The following DGKB variants were observed in gnomAD, a reference collection of about 807,000 sequenced individuals.
The protein encoded by DGKB is diacylglycerol kinase beta, also known as 90 kDa diacylglycerol kinase.
DGKB carries 67 observed loss-of-function variants against 114.3 expected under a neutral mutation model. That is an observed-to-expected ratio of 0.59 (90% CI 0.48 to 0.72). DGKB has a LOEUF of 0.72. Ranked by LOEUF, DGKB falls within the 30% of genes least tolerant of loss-of-function variation. The pLI, the probability that DGKB is intolerant of heterozygous loss-of-function variation, is 0.00. For missense variants in DGKB, 907 were observed against 975.2 expected (o/e 0.93, Z 0.93); for synonymous variants, 398 against 323.1 (o/e 1.23, Z -2.49).
rs73265860 is a variant in DGKB, at chr7:14,394,714, T to C, written c.1836-49323A>G. 9.5e-3 allele frequency among the ~76,000 whole-genome samples: 1,441 copies of C among 152,174 alleles called. 25 individuals are homozygous for C. Among genetic ancestry groups the C allele is most frequent in the African/African-American group, 0.033 (1,362 of 41,538 alleles). On this transcript the variant is annotated intron_variant, in intron 21 of 25. Coordinates refer to ENST00000402815, the MANE Select transcript of DGKB (RefSeq NM_001350709.2). Reference sequence around the variant, plus strand: ...TTCAATCACATTAAGCTTTTCTTTTTTCTGCCATAAAACATGGCTCCCATA... The same window carrying C: ...TTCAATCACATTAAGCTTTTCTTTTCTCTGCCATAAAACATGGCTCCCATA...
intron 25 of DGKB, among the ~76,000 whole-genome samples, chr7:14,166,661 G>A (rs769007295): frequency 6.6e-6 from 1 of 152,190 alleles, no homozygotes; most frequent in African/African-American, 2.4e-5. Context: ...GATATCTGAA[G>A]TTGCTGAAAA....
At chr7:14,418,966 A>AT (rs1826232228) in intron 21 of DGKB, among the ~76,000 whole-genome samples, 1 of 151,932 alleles carries the variant, frequency 6.6e-6, no homozygotes, top group African/African-American at 2.4e-5. Context: ...CATTCACAAT[A>AT]TTCCAGGCCA....
At chr7:14,375,783 A>C (rs1818385267) in intron 21 of DGKB, among the ~76,000 whole-genome samples, 1 of 152,222 alleles carries the variant, frequency 6.6e-6, no homozygotes, top group African/African-American at 2.4e-5. Context: ...CCTCTGAAAG[A>C]CTGGAAGTTC....
chr7:14,813,492 C>T (rs1006742476), intron 2 of DGKB, among the ~76,000 whole-genome samples: 2 of 152,110 alleles, frequency 1.3e-5, no homozygotes, highest in Non-Finnish European at 2.9e-5. Flanking sequence ...CCTTTAGCAG[C>T]CACCAGATAT....
At chr7:14,158,487 T>G (rs6962724) in intron 25 of DGKB, among the ~76,000 whole-genome samples, 63,329 of 152,060 alleles carry the variant, frequency 0.42, 14,204 homozygotes, top group Middle Eastern at 0.57. Context: ...CACTGTCTTA[T>G]TAGAAGAAGA....
At chr7:14,370,395 T>G (rs1346695499) in intron 21 of DGKB, among the ~76,000 whole-genome samples, 1 of 152,156 alleles carries the variant, frequency 6.6e-6, no homozygotes, top group Non-Finnish European at 1.5e-5. Flanking sequence ...CTTAGAATTG[T>G]CTGGGCTATA....
At chr7:14,654,617 A>G (rs1815387949) in intron 13 of DGKB, among the ~76,000 whole-genome samples, 2 of 152,054 alleles carry the variant, frequency 1.3e-5, no homozygotes, top group Non-Finnish European at 2.9e-5. Context: ...ACACTATGTG[A>G]CTTCCAAGTA....
chr7:14,959,157 C>A (rs563589509), intron 1 of DGKB, among the ~76,000 whole-genome samples: 1 of 148,602 alleles, frequency 6.7e-6, no homozygotes, highest in East Asian at 1.9e-4. Flanking sequence ...AATATTTTAC[C>A]ATTTGTTCAG....
intron 22 of DGKB, among the ~76,000 whole-genome samples, chr7:14,341,365 G>A (rs538019060): frequency 2.0e-5 from 3 of 151,952 alleles, no homozygotes; most frequent in East Asian, 3.9e-4. Context: ...CACCAGTTGA[G>A]TGCATGAAAG....
intron 21 of DGKB, among the ~76,000 whole-genome samples, chr7:14,416,683 T>C (rs1018494002): frequency 7.9e-5 from 12 of 152,142 alleles, no homozygotes; most frequent in African/African-American, 2.9e-4. Flanking sequence ...TCTTGTGTGC[T>C]GCCACGTAAG....
intron 25 of DGKB, among the ~76,000 whole-genome samples, chr7:14,174,469 T>C (rs1455318978): frequency 6.6e-6 from 1 of 152,164 alleles, no homozygotes; most frequent in Non-Finnish European, 1.5e-5. Flanking sequence ...AAACATGGAA[T>C]AAGGGCTAAA....
intron 1 of DGKB, among the ~76,000 whole-genome samples, chr7:14,963,680 G>C (rs1786990825): frequency 6.6e-6 from 1 of 152,172 alleles, no homozygotes; most frequent in South Asian, 2.1e-4. Context: ...GCTAGGGAGT[G>C]ATGGAGAAAG....
intron 2 of DGKB, among the ~76,000 whole-genome samples, chr7:14,766,740 A>C (rs1300440811): frequency 6.6e-6 from 1 of 151,874 alleles, no homozygotes; most frequent in Non-Finnish European, 1.5e-5. Context: ...GCAAGGACTG[A>C]GTTTTGAGTC....
intron 1 of DGKB, among the ~76,000 whole-genome samples, chr7:14,915,918 G>A (rs777859440): frequency 1.0e-3 from 154 of 152,214 alleles, no homozygotes; most frequent in Non-Finnish European, 9.4e-4. Flanking sequence ...AGGCATGAAT[G>A]AGGGTAAAAT....
chr7:14,176,704 TAAC>T lies in DGKB; in HGVS notation c.2304+132_2304+134del, dbSNP rs200851834. ...AAATGTAGTGGCTCTGACACACACA[TAAC>T]AACAACAACAAAAAGACTATTTGCT... On this transcript the variant is annotated intron_variant, in intron 25 of 25. Coordinates refer to ENST00000402815, the MANE Select transcript of DGKB (RefSeq NM_001350709.2). The T allele has an allele frequency of 7.1e-3, 10,682 of 1,501,316 alleles. 277 individuals carry two copies. Among genetic ancestry groups the T allele is most frequent in the East Asian group, 0.054 (2,320 of 43,022 alleles). 93.0% of individuals were successfully genotyped at this position (1,501,316 alleles called of 1,614,324 possible).
At chr7:14,411,862 T>C (rs1466882225) in intron 21 of DGKB, among the ~76,000 whole-genome samples, 1 of 152,224 alleles carries the variant, frequency 6.6e-6, no homozygotes, top group African/African-American at 2.4e-5. Context: ...TATAGGGGCA[T>C]TGGTTTAATA....
At chr7:14,255,739 C>CT (rs11299209) in intron 23 of DGKB, among the ~76,000 whole-genome samples, 6,940 of 148,042 alleles carry the variant, frequency 0.047, 246 homozygotes, top group East Asian at 0.17. Context: ...CTTCTCATCT[C>CT]TTTTTTTTTT....
At chr7:14,806,044 T>C (rs1191686195) in intron 2 of DGKB, among the ~76,000 whole-genome samples, 2 of 151,954 alleles carry the variant, frequency 1.3e-5, no homozygotes, top group African/African-American at 4.8e-5. Context: ...GTTCCTCATA[T>C]TTTACTCAGA....
At chr7:14,964,141 AAGG>A (rs1418442785) in intron 1 of DGKB, among the ~76,000 whole-genome samples, 3 of 149,480 alleles carry the variant, frequency 2.0e-5, no homozygotes, top group African/African-American at 7.4e-5. Flanking sequence ...GAGTAAGAAG[AAGG>A]AATAGAGTCA....
Sources: allele counts gnomAD v4.1 joint callset (sites outside exome capture counted in the v4.1 genomes callset), GRCh38; gene constraint gnomAD v4.1.1; transcripts MANE v1.5; gene names NCBI Gene and HGNC (gene_info 2026-07-23, HGNC 2026-07-21).